The following AREL1 variants were observed in gnomAD, a reference collection of about 807,000 sequenced individuals.
AREL1 encodes the protein apoptosis-resistant E3 ubiquitin protein ligase 1.
In AREL1, 62 loss-of-function variants were observed where a neutral mutation model predicts 99.0. The ratio of observed to expected loss-of-function variants is 0.63; its 90% confidence interval spans 0.51 to 0.77. The LOEUF (loss-of-function observed/expected upper bound fraction) is 0.77, where lower values mean the gene tolerates loss of function less well. AREL1 is among the 30% of genes least tolerant of loss of function. The probability of loss-of-function intolerance (pLI) is 0.00; values close to 1 mark genes in which losing one functional copy is unlikely to be tolerated. For synonymous variants in AREL1, 380 were observed against 376.5 expected (o/e 1.01, Z -0.11); for missense variants, 879 against 1,027.6 (o/e 0.86, Z 1.98).
chr14:74,702,826 G>C (rs1324344805), intron 1 of AREL1, among the ~76,000 whole-genome samples: 4 of 152,180 alleles, frequency 2.6e-5, no homozygotes, highest in Non-Finnish European at 5.9e-5. Flanking sequence ...TAGGGCAGGA[G>C]CAAAATGATT....
intron 8 of AREL1, 116 bp from the exon 9 acceptor site, chr14:74,674,227 T>C: frequency 1.3e-6 from 1 of 783,862 alleles, no homozygotes; most frequent in Admixed American, 2.5e-5. Context: ...TTCCTCTCCA[T>C]GGACAAAAGT....
chr14:74,676,946 G>A (rs544084693), intron 5 of AREL1, among the ~76,000 whole-genome samples, 194 bp from the exon 6 acceptor site: 241 of 152,054 alleles, frequency 1.6e-3, no homozygotes, highest in Non-Finnish European at 2.6e-3. Context: ...ATAGGTGCCC[G>A]CCACCATGCC....
chr14:74,662,544 A>T lies in AREL1; in HGVS notation c.*1176T>A, dbSNP rs368190321. The T allele has an allele frequency of 1.4e-4, 54 of 398,636 alleles. No homozygotes were observed. The highest frequency in any genetic ancestry group is 1.0e-3 in the African/African-American group (51 of 48,744). 24.7% of individuals were successfully genotyped at this position (398,636 alleles called of 1,614,324 possible). On this transcript the variant is annotated 3_prime_UTR_variant, in exon 20 of 20. Coordinates refer to ENST00000356357, the MANE Select transcript of AREL1 (RefSeq NM_001039479.2). ...ACTCTTCAATCATCATTCAACAGTG[A>T]ACCTAATAAGCTTCCTCCCTCCTTA... is the stretch of plus-strand genomic sequence containing the variant.
intron 1 of AREL1, among the ~76,000 whole-genome samples, chr14:74,697,923 T>G (rs1023813977): frequency 3.9e-5 from 6 of 152,192 alleles, no homozygotes; most frequent in Admixed American, 3.9e-4. Flanking sequence ...TAGAATGTGC[T>G]AGAAGCCAGA....
chr14:74,669,623 C>G (rs778063754), intron 15 of AREL1, 26 bp downstream of exon 15: 2 of 1,611,248 alleles, frequency 1.2e-6, no homozygotes, highest in East Asian at 4.5e-5. Context: ...GAACATAGGA[C>G]CCAGAGGCTT....
At chr14:74,672,202 A>G (rs778641332) in intron 11 of AREL1, among the ~76,000 whole-genome samples, 3 of 152,230 alleles carry the variant, frequency 2.0e-5, no homozygotes, top group Non-Finnish European at 4.4e-5. Context: ...CCTGCCCTAC[A>G]TGGGAGTTCC....
At chr14:74,664,332 G>T (rs1381159948) in intron 18 of AREL1, among the ~76,000 whole-genome samples, 1 of 152,070 alleles carries the variant, frequency 6.6e-6, no homozygotes, top group Non-Finnish European at 1.5e-5. Flanking sequence ...ACAGCCCTTA[G>T]GGATCAGGGC....
chr14:74,684,842 G>A (rs1594768412), intron 3 of AREL1, among the ~76,000 whole-genome samples, 162 bp from the exon 4 acceptor site: 1 of 152,140 alleles, frequency 6.6e-6, no homozygotes, highest in African/African-American at 2.4e-5. Context: ...AGATAAGAAA[G>A]GAACTTCTAC....
Position 74,667,355 on chromosome 14 carries a change from CTCAGGGACCAATTCATTCAG to C in AREL1, c.2047_2066del (p.Leu683GlufsTer7), listed in dbSNP as rs2089231288. The C allele has an allele frequency of 2.5e-6, 4 of 1,614,150 alleles. No individual in the cohort carries two copies. The highest frequency in any genetic ancestry group is 3.4e-6 in the Non-Finnish European group (4 of 1,180,016). On this transcript the variant is annotated frameshift_variant and splice_region_variant, in exon 17 of 20. Transcript: ENST00000356357. LOFTEE classifies it high-confidence loss of function. ...TCTCATCAAAAATAGCCAAAAGGTTCTCAGGGACCAATTCATTCAGGCCTGAAACAAAGTAGGCAAGTTAA... is the reference window on the plus strand; with the variant it reads ...TCTCATCAAAAATAGCCAAAAGGTTCGCCTGAAACAAAGTAGGCAAGTTAA...
chr14:74,700,375 A>T (rs2090061614), intron 1 of AREL1, among the ~76,000 whole-genome samples: 1 of 152,248 alleles, frequency 6.6e-6, no homozygotes, highest in African/African-American at 2.4e-5. Flanking sequence ...CAGAGTTTAT[A>T]TTCTTTCTCT....
rs758152916 is a variant in AREL1 at position 74,663,750 on chromosome 14, G to A, written c.2442C>T (p.Ser814=). The A allele has an allele frequency of 1.5e-5, 25 of 1,614,004 alleles. No homozygotes were observed. The highest frequency in any genetic ancestry group is 2.7e-5 in the African/African-American group (2 of 74,920). Residue 814 remains serine (S), a synonymous_variant, in exon 20 of 20, where the codon AGC becomes AGT. Coordinates refer to ENST00000356357, the MANE Select transcript of AREL1 (RefSeq NM_001039479.2). The part of the protein sequence containing the change: ...EVHRMLQLAI[S]EGCEGFGML ...GCATGCCAAAGCCCTCGCAACCCTC[G>A]CTGATGGCCAGCTGCAGCATCCTGT...
At chr14:74,676,013 C>T (rs2089464405) in intron 7 of AREL1, 67 bp from the exon 8 acceptor site, 1 of 1,540,912 alleles carries the variant, frequency 6.5e-7, no homozygotes, top group Non-Finnish European at 8.7e-7. Context: ...CTATCACAGG[C>T]TTTTAGTCCA....
At chr14:74,701,518 G>A (rs1377367022) in intron 1 of AREL1, among the ~76,000 whole-genome samples, 1 of 152,118 alleles carries the variant, frequency 6.6e-6, no homozygotes, top group Non-Finnish European at 1.5e-5. Flanking sequence ...CAGTATGTGG[G>A]AAACTGCCTC....
rs1172522792 is a variant in AREL1, at chr14:74,675,806, G to A, written c.973C>T (p.Arg325Trp). The change falls in exon 8 of 20, where the codon CGG becomes TGG. Residue 325 changes from arginine to tryptophan, a missense_variant. Transcript: ENST00000356357. ...PPMHMTSSQRRPSTAVDEEDE... is the reference protein window; with the variant it reads ...PPMHMTSSQRWPSTAVDEEDE... ...TCCTCGTCAACAGCAGTGGATGGCC[G>A]GCGCTGGGAAGAGGTCATGTGCATG... 13 of 1,614,164 alleles carry A rather than the reference G, an allele frequency of 8.1e-6. No individual in the cohort carries two copies. The highest frequency in any genetic ancestry group is 5.5e-5 in the South Asian group (5 of 91,086).
chr14:74,705,070 G>A (rs1460813688), intron 1 of AREL1, among the ~76,000 whole-genome samples: 9 of 148,312 alleles, frequency 6.1e-5, no homozygotes, highest in South Asian at 2.1e-4. Flanking sequence ...ACGGAGTTTC[G>A]CTCTTGTTGC....
intron 6 of AREL1, 87 bp downstream of exon 6, chr14:74,676,496 G>GA: frequency 6.8e-7 from 1 of 1,480,642 alleles, no homozygotes; most frequent in Non-Finnish European, 9.2e-7. Flanking sequence ...GAGAAGGAAA[G>GA]AGAGATCGAA....
chr14:74,683,484 A>G lies in AREL1; in HGVS notation c.293T>C (p.Leu98Pro), dbSNP rs369300359. 6.2e-7 allele frequency: 1 copy of G among 1,614,034 alleles called. No individual in the cohort carries two copies. Among genetic ancestry groups the G allele is most frequent in the African/African-American group, 1.3e-5 (1 of 74,910 alleles). The change falls in exon 5 of 20, where the codon CTA becomes CCA. Residue 98 changes from leucine (L) to proline (P), a missense_variant. Transcript: ENST00000356357. ...QPFPAHRPVG[L>P]RVHISHVELA... ...CTCGACATGAGAGATGTGAACTCTT[A>G]GTCCCACAGGCCGATGTGCAGGGAA...
intron 5 of AREL1, 37 bp downstream of exon 5, chr14:74,683,259 G>A (rs765480574): frequency 2.2e-5 from 31 of 1,420,534 alleles, no homozygotes; most frequent in Middle Eastern, 1.8e-4. Flanking sequence ...AGAGAGGGAA[G>A]GAGACAAAGG....
chr14:74,668,852 C>A (rs1290594108), intron 15 of AREL1, among the ~76,000 whole-genome samples: 3 of 152,178 alleles, frequency 2.0e-5, no homozygotes, highest in African/African-American at 7.2e-5. Flanking sequence ...GGAAATATCT[C>A]TGGGCCATCA....
Sources: allele counts gnomAD v4.1 joint callset (sites outside exome capture counted in the v4.1 genomes callset), GRCh38; gene constraint gnomAD v4.1.1; transcripts MANE v1.5; gene names NCBI Gene and HGNC (gene_info 2026-07-23, HGNC 2026-07-21).